ZNF565: variants seen among roughly 807,000 people sequenced by gnomAD.
ZNF565 encodes the protein zinc finger protein 565.
ZNF565 carries 27 observed loss-of-function variants against 39.4 expected under a neutral mutation model. The observed-to-expected ratio is 0.69, with a 90% CI of 0.51 to 0.95. The LOEUF (loss-of-function observed/expected upper bound fraction) is 0.95. Ranked by LOEUF, ZNF565 falls within the 40% of genes least tolerant of loss-of-function variation. The pLI, the probability that ZNF565 is intolerant of heterozygous loss-of-function variation, is 0.00. For missense variants in ZNF565, 524 were observed against 621.1 expected (o/e 0.84, Z 1.66); for synonymous variants, 185 against 216.6 (o/e 0.85, Z 1.28).
At chr19:36,240,194 A>C (rs1445761350) in intron 1 of ZNF565, among the ~76,000 whole-genome samples, 1 of 152,278 alleles carries the variant, frequency 6.6e-6, no homozygotes, top group Non-Finnish European at 1.5e-5. Context: ...CAACAATTTT[A>C]AAAATACAAA....
intron 1 of ZNF565, chr19:36,235,846 T>C (rs1179977502): frequency 6.6e-6 from 1 of 152,256 alleles, no homozygotes; most frequent in Non-Finnish European, 1.5e-5. Context: ...GTTTTCAGTT[T>C]GAAACACAAC....
chr19:36,191,350 C>G (rs1262069702), intron 4 of ZNF565, among the ~76,000 whole-genome samples: 1 of 145,130 alleles, frequency 6.9e-6, no homozygotes, highest in African/African-American at 2.6e-5. Context: ...TGGAGTCTCA[C>G]TCCTGTTGCC....
rs560765862 is a variant in ZNF565, at chr19:36,192,596, C to G, written c.232+1637G>C. ...TATCTACTGAAAATACAAAAATTAT[C>G]CAGGTGTGGTAGCGTGCACCTGTAA... On this transcript the variant is annotated intron_variant, in intron 4 of 4. Coordinates refer to ENST00000304116, the MANE Select transcript of ZNF565 (RefSeq NM_152477.5). 4.0e-5 allele frequency among the ~76,000 whole-genome samples: 6 copies of G among 151,774 alleles called. No homozygotes were observed. The South Asian group carries it at 1.3e-3, about 32-fold the overall frequency.
chr19:36,201,759 G>A (rs778952320), intron 2 of ZNF565, among the ~76,000 whole-genome samples: 9 of 152,122 alleles, frequency 5.9e-5, no homozygotes, highest in Non-Finnish European at 1.3e-4. Flanking sequence ...ACAGGCATGT[G>A]CCACTACGCC....
In ZNF565 at chr19:36,182,802, G is replaced by T; in HGVS notation, c.1164C>A (p.Asp388Glu). The T allele has an allele frequency of 6.2e-7, 1 of 1,613,940 alleles. No homozygotes were observed. The highest frequency in any genetic ancestry group is 8.5e-7 in the Non-Finnish European group (1 of 1,179,992). ...CGCAGTCCTTACATTCATAGGGTCT[G>T]TCGCCAGTATGGACTCTCTGATGTC... ...LTRHQRVHTG[D>E]RPYECKDCGK... The change falls in exon 5 of 5, where the codon GAC becomes GAA. Residue 388 changes from aspartate (D) to glutamate (E), a missense_variant. By Grantham distance (45) the Asp-to-Glu change is conservative. Coordinates refer to ENST00000304116, the MANE Select transcript of ZNF565 (RefSeq NM_152477.5).
At chr19:36,191,946 C>T (rs984469292) in intron 4 of ZNF565, among the ~76,000 whole-genome samples, 1 of 151,768 alleles carries the variant, frequency 6.6e-6, no homozygotes, top group Non-Finnish European at 1.5e-5. Flanking sequence ...ATGGAAACTT[C>T]ACAGGGGAGA....
chr19:36,194,885 G>T, intron 3 of ZNF565, 145 bp downstream of exon 3: 1 of 1,251,314 alleles, frequency 8.0e-7, no homozygotes, highest in Non-Finnish European at 1.1e-6. Flanking sequence ...TGCTGGCCGG[G>T]CCTCTCTCTA....
chr19:36,219,289 G>C (rs1296622223), upstream of ZNF565, among the ~76,000 whole-genome samples: 1 of 152,060 alleles, frequency 6.6e-6, no homozygotes, highest in Non-Finnish European at 1.5e-5. Context: ...CACCCCCGCA[G>C]TGGTTGGGAC....
intron 1 of ZNF565, among the ~76,000 whole-genome samples, chr19:36,238,929 G>A (rs879816549): frequency 5.3e-5 from 8 of 152,114 alleles, no homozygotes; most frequent in South Asian, 2.1e-4. Context: ...TCATAGGAGC[G>A]CGAACCCTAT....
chr19:36,235,073 G>A (rs1213271323), intron 1 of ZNF565, among the ~76,000 whole-genome samples: 1 of 151,856 alleles, frequency 6.6e-6, no homozygotes, highest in African/African-American at 2.4e-5. Context: ...GCCAGGTATG[G>A]TGGTGCACAC....
chr19:36,232,135 G>A (rs1204849785), intron 1 of ZNF565, among the ~76,000 whole-genome samples: 6 of 150,796 alleles, frequency 4.0e-5, no homozygotes, highest in Admixed American at 6.6e-5. Context: ...CCTGGGAGGC[G>A]GAGGTTGCAG....
chr19:36,230,602 AAGG>A (rs1347694037), intron 1 of ZNF565, among the ~76,000 whole-genome samples: 1 of 152,180 alleles, frequency 6.6e-6, no homozygotes, highest in African/African-American at 2.4e-5. Flanking sequence ...CATTAGCCAG[AAGG>A]AACAAAAGTG....
intron 2 of ZNF565, among the ~76,000 whole-genome samples, chr19:36,201,401 G>A (rs1257865472): frequency 2.0e-5 from 3 of 152,156 alleles, no homozygotes. Flanking sequence ...TTCAACCACA[G>A]TTATGATAAG....
In ZNF565 at chr19:36,208,205, A is replaced by AT. The variant is rs11307687; in HGVS notation, c.-65-6156dup. 8.9e-3 allele frequency among the ~76,000 whole-genome samples: 1,208 copies of AT among 136,000 alleles called. 20 individuals carry two copies. Among genetic ancestry groups the AT allele is most frequent in the African/African-American group, 0.028 (1,018 of 36,402 alleles). The allele number at this position is 136,000 out of a possible 152,430, so 89.2% of individuals were successfully genotyped here. On this transcript the variant is annotated intron_variant, in intron 1 of 4. Coordinates refer to ENST00000304116, the MANE Select transcript of ZNF565 (RefSeq NM_152477.5). ...AATGTGAATTATGAGTTACAGGACA[A>AT]TTTTTTTTTTTTTTTTTGGCAGGGC...
In ZNF565 at chr19:36,245,422, C is replaced by T. The variant is rs755606858; in HGVS notation, c.55+54G>A. 7 of 701,672 alleles carry T rather than the reference C, an allele frequency of 1.0e-5. No individual in the cohort carries two copies. Among genetic ancestry groups the T allele is most frequent in the Middle Eastern group, 2.3e-4 (1 of 4,356 alleles). The allele number at this position is 701,672 out of a possible 1,614,324, so 43.5% of individuals were successfully genotyped here. A position where few individuals can be genotyped will look rare whatever the true frequency, so the allele number is the denominator to read the frequency against. ...GAAAGCTCCGCGCTTACGACGCCCA[C>T]CCAGAAAATCCGGATCACATTTCCC... On this transcript the variant is annotated intron_variant, in intron 1 of 4. Coordinates refer to the ZNF565 transcript ENST00000355114. This position sits in a 1 kb window ranked among gnomAD's most constrained non-coding sequence, Gnocchi z 4.4.
At chr19:36,234,922 A>G (rs899139928) in intron 1 of ZNF565, among the ~76,000 whole-genome samples, 7 of 151,354 alleles carry the variant, frequency 4.6e-5, no homozygotes, top group African/African-American at 1.7e-4. Context: ...TGTTCCTTAC[A>G]CTTTTTTTTC....
At chr19:36,202,553 C>A (rs996013406) in intron 1 of ZNF565, among the ~76,000 whole-genome samples, 2 of 152,134 alleles carry the variant, frequency 1.3e-5, no homozygotes, top group African/African-American at 4.8e-5. Flanking sequence ...CTGACACAGT[C>A]CCCCATCTTA....
At chr19:36,209,711 A>G (rs915621522) in intron 1 of ZNF565, among the ~76,000 whole-genome samples, 10 of 152,276 alleles carry the variant, frequency 6.6e-5, no homozygotes, top group South Asian at 6.2e-4. Flanking sequence ...TGAACAATCT[A>G]TATTACACAT....
intron 4 of ZNF565, among the ~76,000 whole-genome samples, chr19:36,192,006 CT>C (rs796289244): frequency 0.016 from 2,234 of 140,516 alleles, 29 homozygotes; most frequent in African/African-American, 0.033. Flanking sequence ...CAGCACCTAT[CT>C]TTTTTTTTTT....
Sources: allele counts gnomAD v4.1 joint callset (sites outside exome capture counted in the v4.1 genomes callset), GRCh38; gene constraint gnomAD v4.1.1; non-coding constraint Gnocchi (gnomAD v3.1); transcripts MANE v1.5; gene names NCBI Gene and HGNC (gene_info 2026-07-23, HGNC 2026-07-21).